The following VWF variants were observed in gnomAD, a reference collection of about 807,000 sequenced individuals.
The protein encoded by VWF is Factor VIII related antigen.
A neutral mutation model predicts 308.6 loss-of-function variants in VWF; 176 were observed. That is an observed-to-expected ratio of 0.57 (90% CI 0.50 to 0.65). VWF has a LOEUF of 0.65. Ranked by LOEUF, VWF falls within the 30% of genes least tolerant of loss-of-function variation. The probability of loss-of-function intolerance (pLI) is 0.00; values close to 1 mark genes in which losing one functional copy is unlikely to be tolerated. For missense variants in VWF, 3,146 were observed against 3,648.2 expected (o/e 0.86, Z 3.55); for synonymous variants, 1,385 against 1,443.4 (o/e 0.96, Z 0.92).
chr12:6,056,471 C>T (rs1944579804), intron 15 of VWF, among the ~76,000 whole-genome samples: 1 of 152,078 alleles, frequency 6.6e-6, no homozygotes, highest in South Asian at 2.1e-4. Context: ...TTGCCTTCAT[C>T]GGACTCTTAA....
chr12:6,023,642 G>A lies in VWF; in HGVS notation c.3368C>T (p.Ala1123Val). 1 of 1,613,830 alleles carries A rather than the reference G, an allele frequency of 6.2e-7. No individual in the cohort carries two copies. Among genetic ancestry groups the A allele is most frequent in the East Asian group, 2.2e-5 (1 of 44,888 alleles). ...QHGKVVTWRTATLCPQSCEER... is the reference protein window; with the variant it reads ...QHGKVVTWRTVTLCPQSCEER... The stretch of plus-strand genomic sequence containing the variant: ...GCGTCAGTACTCACGGCACAATGTG[G>A]CCGTCCTCCAGGTCACCACCTTGCC... The change falls in exon 25 of 52, where the codon GCC (alanine) becomes GTC (valine). Residue 1123 changes from alanine (A) to valine (V), a missense_variant. Physicochemically the swap from Ala to Val is moderately conservative, Grantham distance 64. Coordinates refer to ENST00000261405, the MANE Select transcript of VWF (RefSeq NM_000552.5).
intron 3 of VWF, among the ~76,000 whole-genome samples, chr12:6,119,568 AGGCATGGT>A (rs1483742315): frequency 6.6e-6 from 1 of 152,080 alleles, no homozygotes; most frequent in Non-Finnish European, 1.5e-5. Context: ...TCTTCAGACC[AGGCATGGT>A]GGCTCATGCC....
intron 21 of VWF, 94 bp downstream of exon 21, chr12:6,031,350 T>C: frequency 6.2e-7 from 1 of 1,607,678 alleles, no homozygotes; most frequent in Non-Finnish European, 8.5e-7. Context: ...GTTATTCCAT[T>C]CACACGAGCT....
intron 43 of VWF, among the ~76,000 whole-genome samples, chr12:5,974,461 A>G (rs963759092): frequency 3.9e-5 from 6 of 152,144 alleles, no homozygotes; most frequent in African/African-American, 1.2e-4. Flanking sequence ...TTTTCTACGC[A>G]GCCAGGATTA....
intron 3 of VWF, among the ~76,000 whole-genome samples, chr12:6,117,683 C>T (rs546633664): frequency 5.3e-5 from 8 of 152,264 alleles, no homozygotes; most frequent in African/African-American, 1.7e-4. Flanking sequence ...GGTGTGGTGG[C>T]GCACGCCTGT....
intron 17 of VWF, among the ~76,000 whole-genome samples, chr12:6,045,772 G>A (rs1464844287): frequency 1.3e-5 from 2 of 152,238 alleles, no homozygotes; most frequent in Non-Finnish European, 1.5e-5. Context: ...TCAAGCTGGA[G>A]ATTGAAGATA....
intron 16 of VWF, among the ~76,000 whole-genome samples, chr12:6,050,604 T>C (rs954277098): frequency 1.3e-5 from 2 of 152,198 alleles, no homozygotes; most frequent in Admixed American, 6.5e-5. Context: ...CCAGAGGACT[T>C]ACCTTGGGGA....
chr12:5,949,071 G>A lies in VWF; in HGVS notation c.8386C>T (p.His2796Tyr). Reference protein sequence around the residue: ...LHCTNGSVVYHEVLNAMECKC... With the variant: ...LHCTNGSVVYYEVLNAMECKC... ...CACTCCATGGCATTGAGAACCTCAT[G>A]GTACACAACAGAGCCATTGGTGCAG... The change falls in exon 52 of 52, where the codon CAT becomes TAT. Residue 2796 changes from histidine to tyrosine, a missense_variant. Physicochemically the swap from His to Tyr is moderately conservative, Grantham distance 83 (BLOSUM62 2). Transcript: ENST00000261405. The A allele has an allele frequency of 4.3e-6, 7 of 1,614,200 alleles. No individual in the cohort carries two copies. The highest frequency in any genetic ancestry group is 5.9e-6 in the Non-Finnish European group (7 of 1,180,016).
chr12:6,057,786 C>G, intron 14 of VWF, 63 bp downstream of exon 14: 1 of 1,519,770 alleles, frequency 6.6e-7, no homozygotes, highest in Non-Finnish European at 8.8e-7. Context: ...CCGGAACGCA[C>G]TGCACTAATG....
chr12:5,953,656 T>C, intron 47 of VWF, 62 bp from the exon 48 acceptor site: 7 of 1,398,300 alleles, frequency 5.0e-6, no homozygotes, highest in Admixed American at 1.7e-5. Context: ...CAATTGTAAG[T>C]AGGCTGATTT....
At chr12:5,957,814 A>C (rs969494128) in intron 47 of VWF, among the ~76,000 whole-genome samples, 1 of 152,220 alleles carries the variant, frequency 6.6e-6, no homozygotes, top group Non-Finnish European at 1.5e-5. Flanking sequence ...GAGCACTGAA[A>C]ATTATAAATA....
intron 5 of VWF, among the ~76,000 whole-genome samples, chr12:6,108,064 C>T (rs1591922772): frequency 1.3e-5 from 2 of 151,774 alleles, no homozygotes; most frequent in South Asian, 2.1e-4. Context: ...GAGGCAGAGG[C>T]GGAGAGATCA....
rs1944444734 is a variant in VWF at position 6,046,206 on chromosome 12, A to T, written c.2281+517T>A. Among the ~76,000 whole-genome samples the T allele has an allele frequency of 6.6e-6, 1 of 152,156 alleles. No individual in the cohort carries two copies. Among genetic ancestry groups the T allele is most frequent in the African/African-American group, 2.4e-5 (1 of 41,442 alleles). Reference sequence around the variant, plus strand: ...ACCACTGCACTCCAACCTGGGTGACAGAGTGAGACTCTCAAAAAAAAAAGA... The same window carrying T: ...ACCACTGCACTCCAACCTGGGTGACTGAGTGAGACTCTCAAAAAAAAAAGA... On this transcript the variant is annotated intron_variant, in intron 17 of 51. Transcript: ENST00000261405. The surrounding 1 kb of genome is among the most constrained non-coding windows in gnomAD (Gnocchi z 5.0).
chr12:6,112,835 C>G (rs1017269354), intron 3 of VWF, among the ~76,000 whole-genome samples: 21 of 150,924 alleles, frequency 1.4e-4, no homozygotes, highest in South Asian at 1.0e-3. Context: ...CAGACACACA[C>G]ACACACACAC....
chr12:5,984,069 T>A (rs1044409646), intron 40 of VWF, among the ~76,000 whole-genome samples: 3 of 152,148 alleles, frequency 2.0e-5, no homozygotes, highest in Non-Finnish European at 4.4e-5. Context: ...ATACTGATTA[T>A]TCTTATCATC....
chr12:6,108,738 T>C (rs891548000), intron 5 of VWF, among the ~76,000 whole-genome samples: 77 of 152,140 alleles, frequency 5.1e-4, no homozygotes, highest in Non-Finnish European at 7.9e-4. Flanking sequence ...GCCCAGCACT[T>C]TGGGAGGCCG....
chr12:6,120,824 C>T (rs1234336422), intron 3 of VWF, among the ~76,000 whole-genome samples: 1 of 152,180 alleles, frequency 6.6e-6, no homozygotes, highest in Non-Finnish European at 1.5e-5. Context: ...AAAACAACAA[C>T]GAGTCTTCTC....
intron 22 of VWF, among the ~76,000 whole-genome samples, chr12:6,028,139 A>T (rs1385118813): frequency 6.6e-6 from 1 of 152,204 alleles, no homozygotes; most frequent in African/African-American, 2.4e-5. Context: ...GAGTAGCCAG[A>T]GCCACTTGTC....
chr12:6,119,190 C>T (rs1241709836), intron 3 of VWF, among the ~76,000 whole-genome samples: 1 of 152,226 alleles, frequency 6.6e-6, no homozygotes, highest in South Asian at 2.1e-4. Context: ...CAGCTTCACC[C>T]GATGGTACAG....
Sources: gnomAD v4.1 joint callset for allele counts (sites outside exome capture counted in the v4.1 genomes callset) on GRCh38, gnomAD v4.1.1 for gene constraint, Gnocchi (gnomAD v3.1) non-coding constraint, MANE v1.5 for transcripts, NCBI Gene and HGNC (gene_info 2026-07-23, HGNC 2026-07-21) for gene names.